The following TRAK1 variants were observed in gnomAD, a reference collection of about 807,000 sequenced individuals.
The protein encoded by TRAK1 is trafficking kinesin protein 1.
Under a neutral mutation model 92.1 loss-of-function variants are expected in TRAK1, and 33 were observed. The observed-to-expected ratio is 0.36, with a 90% CI of 0.27 to 0.48. The LOEUF is 0.48. TRAK1 is among the 20% of genes least tolerant of loss of function. TRAK1 has a pLI of 0.99. For missense variants in TRAK1, 1,123 were observed against 1,257.9 expected (o/e 0.89, Z 1.62); for synonymous variants, 521 against 517.3 (o/e 1.01, Z -0.10).
At chr3:42,184,102 A>G (rs1704444023) in intron 3 of TRAK1, among the ~76,000 whole-genome samples, 1 of 152,190 alleles carries the variant, frequency 6.6e-6, no homozygotes, top group Admixed American at 6.5e-5. Flanking sequence ...CTAAGTAAAA[A>G]AACAGAAAAG....
At chr3:42,044,914 A>G (rs552583276) in intron 1 of TRAK1, among the ~76,000 whole-genome samples, 11 of 152,174 alleles carry the variant, frequency 7.2e-5, no homozygotes, top group South Asian at 2.1e-4. Flanking sequence ...TACAAAACCA[A>G]TGTGCTTAAG....
intron 2 of TRAK1, among the ~76,000 whole-genome samples, chr3:42,164,008 C>A (rs1192300361): frequency 6.6e-6 from 1 of 152,222 alleles, no homozygotes; most frequent in Non-Finnish European, 1.5e-5. Flanking sequence ...AGAAGCAAGG[C>A]TGTGGTGCAG....
At chr3:42,201,930 A>ACC (rs1553609204) in intron 12 of TRAK1, among the ~76,000 whole-genome samples, 1 of 142,500 alleles carries the variant, frequency 7.0e-6, no homozygotes, top group Non-Finnish European at 1.5e-5. Context: ...ACACACACAC[A>ACC]CCATTGTCTA....
upstream of TRAK1, among the ~76,000 whole-genome samples, chr3:42,087,606 TTGTTGA>T: frequency 6.6e-6 from 1 of 152,364 alleles, no homozygotes; most frequent in East Asian, 1.9e-4. Flanking sequence ...CTTGTGTCAG[TTGTTGA>T]CCTACTATCC....
At chr3:42,094,770 C>T (rs1047723423) in intron 1 of TRAK1, among the ~76,000 whole-genome samples, 3 of 152,182 alleles carry the variant, frequency 2.0e-5, no homozygotes, top group Non-Finnish European at 4.4e-5. Context: ...AAACATATAT[C>T]GAAATGTATT....
Position 42,224,144 on chromosome 3 carries a change from C to T in TRAK1, c.*407C>T, listed in dbSNP as rs147114011. The T allele has an allele frequency of 6.2e-4, 286 of 457,832 alleles. 2 individuals are homozygous for T. The East Asian group carries it at 0.01, about 17-fold the overall frequency. The allele number at this position is 457,832 out of a possible 1,614,324, so 28.4% of individuals were successfully genotyped here. A position where few individuals can be genotyped will look rare whatever the true frequency, so the allele number is the denominator to read the frequency against. On this transcript the variant is annotated 3_prime_UTR_variant, in exon 16 of 16. Coordinates refer to ENST00000327628, the MANE Select transcript of TRAK1 (RefSeq NM_001042646.3). Reference sequence around the variant, plus strand: ...GGCTGGCACACCACGAGCTGTCACGCGGCACGGGTCATAACACATCTGGGT... The same window carrying T: ...GGCTGGCACACCACGAGCTGTCACGTGGCACGGGTCATAACACATCTGGGT...
chr3:42,046,271 G>A (rs1702745071), intron 1 of TRAK1, among the ~76,000 whole-genome samples: 1 of 151,274 alleles, frequency 6.6e-6, no homozygotes, highest in South Asian at 2.1e-4. Flanking sequence ...GATAATCATG[G>A]TTTTGACTGA....
At chr3:42,079,477 C>CTTTTTTTT (rs748826131) in intron 1 of TRAK1, among the ~76,000 whole-genome samples, 2 of 136,250 alleles carry the variant, frequency 1.5e-5, no homozygotes, top group Non-Finnish European at 3.1e-5. Context: ...GCTCCTTCTT[C>CTTTTTTTT]TTTTTTTTTT....
At chr3:42,200,170 G>A (rs1466438246) in intron 11 of TRAK1, among the ~76,000 whole-genome samples, 6 of 152,200 alleles carry the variant, frequency 3.9e-5, no homozygotes, top group Admixed American at 3.3e-4. Context: ...GTCCAAGTGA[G>A]GTTTGGTATA....
At chr3:42,137,347 C>T (rs545308604) in intron 2 of TRAK1, among the ~76,000 whole-genome samples, 1 of 152,334 alleles carries the variant, frequency 6.6e-6, no homozygotes. Flanking sequence ...AGCAATTTGC[C>T]TGAAAACACT....
intron 1 of TRAK1, among the ~76,000 whole-genome samples, chr3:42,069,644 C>T (rs73828523): frequency 0.021 from 3,135 of 152,168 alleles, 118 homozygotes; most frequent in African/African-American, 0.072. Context: ...TTTTCTTGGC[C>T]ACCATGTGAT....
At chr3:42,108,377 G>C (rs1234728253) in intron 1 of TRAK1, among the ~76,000 whole-genome samples, 2 of 151,510 alleles carry the variant, frequency 1.3e-5, no homozygotes, top group African/African-American at 4.9e-5. Context: ...TGTAGTCCTA[G>C]CTACTTGGGA....
intron 14 of TRAK1, among the ~76,000 whole-genome samples, chr3:42,213,189 C>G (rs1709287423): frequency 6.6e-6 from 1 of 151,486 alleles, no homozygotes; most frequent in Non-Finnish European, 1.5e-5. Flanking sequence ...TCCCAAGTAG[C>G]TGGGACTATA....
chr3:42,046,490 G>T (rs1702757739), intron 1 of TRAK1, among the ~76,000 whole-genome samples: 1 of 152,114 alleles, frequency 6.6e-6, no homozygotes, highest in African/African-American at 2.4e-5. Flanking sequence ...TGGCCCTTTG[G>T]CCATCTCGCC....
At chr3:42,091,351 A>G, upstream of TRAK1, 3 of 868,702 alleles carry the variant, frequency 3.5e-6, no homozygotes, top group Non-Finnish European at 5.4e-6. Flanking sequence ...CCTAACAAGC[A>G]AACTCAGAAA....
At chr3:42,132,365 G>A (rs1697325785) in intron 2 of TRAK1, among the ~76,000 whole-genome samples, 1 of 149,862 alleles carries the variant, frequency 6.7e-6, no homozygotes, top group Admixed American at 6.7e-5. Context: ...CCAGACTCAA[G>A]CCATCCTCCC....
At chr3:42,144,830 T>G (rs1234620975) in intron 2 of TRAK1, among the ~76,000 whole-genome samples, 1 of 152,222 alleles carries the variant, frequency 6.6e-6, no homozygotes, top group African/African-American at 2.4e-5. Flanking sequence ...AAGAGATGGC[T>G]AGGATTTCAG....
intron 1 of TRAK1, among the ~76,000 whole-genome samples, chr3:42,079,134 CTG>C (rs1704305270): frequency 6.6e-6 from 1 of 152,226 alleles, no homozygotes; most frequent in Non-Finnish European, 1.5e-5. Flanking sequence ...ATATATGGAA[CTG>C]TGATCGGATA....
At chr3:42,018,087 C>CAAA (rs397989329) in intron 1 of TRAK1, among the ~76,000 whole-genome samples, 11,898 of 114,016 alleles carry the variant, frequency 0.1, 809 homozygotes, top group Middle Eastern at 0.22. Context: ...CTCATTGTTA[C>CAAA]AAAAAAAAAA....
Sources: allele counts gnomAD v4.1 joint callset (sites outside exome capture counted in the v4.1 genomes callset), GRCh38; gene constraint gnomAD v4.1.1; transcripts MANE v1.5; gene names NCBI Gene and HGNC (gene_info 2026-07-23, HGNC 2026-07-21).